Variants in LSAMP observed in about 807,000 individuals in gnomAD.
LSAMP encodes the protein limbic system-associated membrane protein.
LSAMP carries 7 observed loss-of-function variants against 38.6 expected under a neutral mutation model. That is an observed-to-expected ratio of 0.18 (90% confidence interval 0.10 to 0.34). The LOEUF (loss-of-function observed/expected upper bound fraction) is 0.34, where lower values mean the gene tolerates loss of function less well. LSAMP is among the 10% of genes least tolerant of loss of function. The pLI, the probability that LSAMP is intolerant of heterozygous loss-of-function variation, is 1.00. For missense variants in LSAMP, 313 were observed against 420.0 expected (o/e 0.75, Z 2.23); for synonymous variants, 154 against 166.8 (o/e 0.92, Z 0.59).
chr3:116,350,044 G>A (rs1409978994), intron 1 of LSAMP, among the ~76,000 whole-genome samples: 1 of 151,940 alleles, frequency 6.6e-6, no homozygotes, highest in African/African-American at 2.4e-5. Flanking sequence ...GGTTTTAAGT[G>A]TCTTCTTTAT....
At chr3:116,105,003 G>T (rs184131288) in intron 1 of LSAMP, among the ~76,000 whole-genome samples, 1 of 152,292 alleles carries the variant, frequency 6.6e-6, no homozygotes. Flanking sequence ...GCAGGCACCC[G>T]TGTCAAATAT....
intron 3 of LSAMP, among the ~76,000 whole-genome samples, chr3:115,867,927 C>A (rs73858088): frequency 0.079 from 12,097 of 152,168 alleles, 650 homozygotes; most frequent in African/African-American, 0.16. Context: ...GGAAAACTTA[C>A]AATTCACAAA....
chr3:116,259,607 CA>C (rs879886502), intron 1 of LSAMP, among the ~76,000 whole-genome samples: 3 of 152,120 alleles, frequency 2.0e-5, no homozygotes, highest in Admixed American at 2.0e-4. Flanking sequence ...TAATGATGTG[CA>C]TGCAAGTAGT....
chr3:116,137,210 G>A (rs982863709), intron 1 of LSAMP, among the ~76,000 whole-genome samples: 1 of 151,458 alleles, frequency 6.6e-6, no homozygotes, highest in Non-Finnish European at 1.5e-5. Flanking sequence ...GTCTGGATTA[G>A]GCCCACCCTA....
chr3:116,420,460 G>A (rs1021067476), intron 1 of LSAMP, among the ~76,000 whole-genome samples: 14 of 151,994 alleles, frequency 9.2e-5, no homozygotes, highest in African/African-American at 2.9e-4. Flanking sequence ...TTGAAAACTC[G>A]GCATGAAGTA....
chr3:116,249,117 C>G (rs1180055819), intron 1 of LSAMP, among the ~76,000 whole-genome samples: 1 of 144,768 alleles, frequency 6.9e-6, no homozygotes, highest in Non-Finnish European at 1.5e-5. Context: ...CCACTGCACT[C>G]CAGCCTGGGT....
intron 1 of LSAMP, among the ~76,000 whole-genome samples, chr3:116,158,649 G>A (rs1709813396): frequency 1.3e-5 from 2 of 152,064 alleles, no homozygotes; most frequent in Admixed American, 6.6e-5. Flanking sequence ...CCAGGGAGGT[G>A]AAAGACCTCT....
chr3:115,882,336 TC>T (rs1936344051), intron 3 of LSAMP, among the ~76,000 whole-genome samples: 1 of 152,110 alleles, frequency 6.6e-6, no homozygotes, highest in Non-Finnish European at 1.5e-5. Flanking sequence ...TGCTCAAGGA[TC>T]TTTTTAAGAC....
At chr3:116,110,473 G>T (rs977179587) in intron 1 of LSAMP, among the ~76,000 whole-genome samples, 2 of 152,200 alleles carry the variant, frequency 1.3e-5, no homozygotes, top group African/African-American at 4.8e-5. Flanking sequence ...CCCAGTCTGT[G>T]ACCGGCGCCG....
In LSAMP at chr3:116,231,347, G is replaced by A. The variant is rs145231149; in HGVS notation, c.156-144791C>T. 2.6e-3 allele frequency among the ~76,000 whole-genome samples: 402 copies of A among 152,284 alleles called. 4 individuals carry two copies. Among genetic ancestry groups the A allele is most frequent in the African/African-American group, 9.2e-3 (383 of 41,568 alleles). The stretch of plus-strand genomic sequence containing the variant: ...CTCCATGCTGAAGCAAAGGCCCAGT[G>A]AGAGCCAGGTTCTTCATCTTCTGTT... On this transcript the variant is annotated intron_variant, in intron 1 of 6. Transcript: ENST00000490035.
intron 1 of LSAMP, among the ~76,000 whole-genome samples, chr3:116,145,134 T>A (rs1370830531): frequency 6.6e-6 from 1 of 151,960 alleles, no homozygotes; most frequent in African/African-American, 2.4e-5. Context: ...TTTGTTTATT[T>A]CGCAAATAGA....
intron 3 of LSAMP, among the ~76,000 whole-genome samples, chr3:115,919,794 T>C (rs1472515152): frequency 2.6e-5 from 4 of 152,138 alleles, no homozygotes; most frequent in Non-Finnish European, 5.9e-5. Context: ...GTATTTTTAG[T>C]AGAGACGGGG....
At chr3:115,967,603 T>C (rs1440415723) in intron 3 of LSAMP, among the ~76,000 whole-genome samples, 3 of 152,132 alleles carry the variant, frequency 2.0e-5, no homozygotes, top group East Asian at 1.9e-4. Context: ...AAGACATGCT[T>C]GAGACTGGGA....
At chr3:116,256,257 C>T (rs572755690) in intron 1 of LSAMP, among the ~76,000 whole-genome samples, 1 of 152,280 alleles carries the variant, frequency 6.6e-6, no homozygotes, top group East Asian at 1.9e-4. Flanking sequence ...GCAAAAGCTG[C>T]TTTCCTCTAG....
intron 1 of LSAMP, among the ~76,000 whole-genome samples, chr3:116,178,970 T>C (rs1710419379): frequency 6.6e-6 from 1 of 151,994 alleles, no homozygotes; most frequent in African/African-American, 2.4e-5. Context: ...TTACATTTCA[T>C]GTGAAGATAT....
chr3:115,912,305 A>G (rs1320191349), intron 3 of LSAMP, among the ~76,000 whole-genome samples: 5 of 152,192 alleles, frequency 3.3e-5, no homozygotes, highest in African/African-American at 4.8e-5. Flanking sequence ...ATTCATTTGA[A>G]GTTAATTTTT....
At chr3:115,923,992 C>T (rs1328490186) in intron 3 of LSAMP, among the ~76,000 whole-genome samples, 4 of 151,604 alleles carry the variant, frequency 2.6e-5, no homozygotes, top group African/African-American at 9.7e-5. Context: ...TTCTTTTCGT[C>T]CAGTATCTAG....
In LSAMP at chr3:115,808,175, G is replaced by GCCTTCCTT. The variant is rs78789452; in HGVS notation, c.*2134_*2141dup. On this transcript the variant is annotated 3_prime_UTR_variant, in exon 7 of 7. Coordinates refer to ENST00000490035, the MANE Select transcript of LSAMP (RefSeq NM_002338.5). Reference sequence around the variant, plus strand: ...CCCCCTTCCCCGTCCCCCCCTCCCTGCCTTCCTTCCTTCCTTCCTTCCTTC... The same window carrying GCCTTCCTT: ...CCCCCTTCCCCGTCCCCCCCTCCCTGCCTTCCTTCCTTCCTTCCTTCCTTCCTTCCTTC... The GCCTTCCTT allele has an allele frequency of 1.1e-4, 9 of 80,146 alleles. No individual in the cohort carries two copies. Among genetic ancestry groups the GCCTTCCTT allele is most frequent in the Non-Finnish European group, 1.9e-4 (8 of 42,452 alleles). 5.0% of individuals were successfully genotyped at this position (80,146 alleles called of 1,614,324 possible).
chr3:116,280,547 T>C (rs927404015), intron 1 of LSAMP, among the ~76,000 whole-genome samples: 4 of 152,244 alleles, frequency 2.6e-5, no homozygotes, highest in Non-Finnish European at 4.4e-5. Flanking sequence ...TCTATTTCTA[T>C]GGTGCTGGCC....
Sources: allele counts gnomAD v4.1 joint callset (sites outside exome capture counted in the v4.1 genomes callset), GRCh38; gene constraint gnomAD v4.1.1; transcripts MANE v1.5; gene names NCBI Gene and HGNC (gene_info 2026-07-23, HGNC 2026-07-21).